The following NALF1 variants were observed in gnomAD, a reference collection of about 807,000 sequenced individuals.
NALF1 encodes NALCN channel auxiliary factor 1.
Under a neutral mutation model 48.4 loss-of-function variants are expected in NALF1, and 3 were observed. The observed-to-expected ratio is 0.06, with a 90% CI of 0.03 to 0.16. The LOEUF (loss-of-function observed/expected upper bound fraction) is 0.16. Ranked by LOEUF, NALF1 falls within the 10% of genes least tolerant of loss-of-function variation. NALF1 has a pLI of 1.00. For synonymous variants in NALF1, 262 were observed against 245.7 expected, an observed-to-expected ratio of 1.07 and a Z score of -0.62; for missense variants, 526 against 571.5, an observed-to-expected ratio of 0.92 and a Z score of 0.81.
At chr13:107,289,423 T>C (rs561388453) in intron 1 of NALF1, among the ~76,000 whole-genome samples, 1 of 152,370 alleles carries the variant, frequency 6.6e-6, no homozygotes, top group South Asian at 2.1e-4. Flanking sequence ...TTGAAAGAGT[T>C]AATAAATGAC....
intron 1 of NALF1, among the ~76,000 whole-genome samples, chr13:107,248,832 C>G (rs564635980): frequency 6.6e-6 from 1 of 151,014 alleles, no homozygotes; most frequent in African/African-American, 2.4e-5. Context: ...TCTCATAATA[C>G]AGAGTTCAGA....
chr13:107,313,306 C>T (rs934244114), intron 1 of NALF1, among the ~76,000 whole-genome samples: 7 of 151,728 alleles, frequency 4.6e-5, no homozygotes, highest in African/African-American at 1.7e-4. Flanking sequence ...CTAATCATAA[C>T]GTGATAGGAA....
At chr13:107,727,319 T>G (rs1370930865) in intron 1 of NALF1, among the ~76,000 whole-genome samples, 1 of 152,212 alleles carries the variant, frequency 6.6e-6, no homozygotes, top group African/African-American at 2.4e-5. Flanking sequence ...TATATCTATG[T>G]GACATTCTTT....
At chr13:107,502,863 G>A (rs1804314849) in intron 1 of NALF1, among the ~76,000 whole-genome samples, 1 of 152,146 alleles carries the variant, frequency 6.6e-6, no homozygotes, top group Non-Finnish European at 1.5e-5. Flanking sequence ...ACAAATGGAA[G>A]TGCAGATTGT....
At chr13:107,294,995 C>A (rs1161073394) in intron 1 of NALF1, among the ~76,000 whole-genome samples, 2 of 133,584 alleles carry the variant, frequency 1.5e-5, no homozygotes, top group African/African-American at 5.5e-5. Flanking sequence ...CTTTTTTTTT[C>A]TTTTGACTTT....
rs61241553 is a variant in NALF1, at chr13:107,469,733, C to CTTTTTTTTTTT, written c.916-258989_916-258979dup. 1.3e-3 allele frequency among the ~76,000 whole-genome samples: 107 copies of CTTTTTTTTTTT among 79,968 alleles called. 19 individuals carry two copies. The highest frequency in any genetic ancestry group is 1.7e-3 in the Non-Finnish European group (76 of 44,810). 52.5% of individuals were successfully genotyped at this position (79,968 alleles called of 152,430 possible). On this transcript the variant is annotated intron_variant, in intron 1 of 2. Coordinates refer to ENST00000375915, the MANE Select transcript of NALF1 (RefSeq NM_001080396.3). ...TAAATGCGATGAGTCAACTGTGTAT[C>CTTTTTTTTTTT]TTTTTTTTTTTTTTTTTTTTTTTTT...
chr13:107,423,778 A>G lies in NALF1; in HGVS notation c.916-213023T>C, dbSNP rs139609095. 9.7e-3 allele frequency among the ~76,000 whole-genome samples: 1,484 copies of G among 152,304 alleles called. 15 individuals are homozygous for G. The highest frequency in any genetic ancestry group is 0.02 in the Middle Eastern group (6 of 294). On this transcript the variant is annotated intron_variant, in intron 1 of 2. Coordinates refer to ENST00000375915, the MANE Select transcript of NALF1 (RefSeq NM_001080396.3). ...AAATCAATCTTGGAGACCAAAAAGC[A>G]TTTTGAGCTTTGGAATTGCCCTGGA...
intron 1 of NALF1, among the ~76,000 whole-genome samples, chr13:107,342,545 G>A (rs1006821612): frequency 2.0e-5 from 3 of 152,090 alleles, no homozygotes; most frequent in African/African-American, 4.8e-5. Context: ...TGAGTACAAC[G>A]ATGAACAGCC....
chr13:107,567,819 GTTC>G lies in NALF1; in HGVS notation c.915+297860_915+297862del, dbSNP rs1228334696. ...TCTAACACCTGCCAATCCCTAATCTGTTCTTCATCTCTGTGATTATGTTAGTTC... is the reference window on the plus strand; with the variant it reads ...TCTAACACCTGCCAATCCCTAATCTGTTCATCTCTGTGATTATGTTAGTTC... On this transcript the variant is annotated intron_variant, in intron 1 of 2. Transcript: ENST00000375915. 7.9e-5 allele frequency among the ~76,000 whole-genome samples: 12 copies of G among 152,096 alleles called. No individual in the cohort carries two copies. In the East Asian group the frequency reaches 1.9e-3, roughly 25 times the overall value.
chr13:107,491,747 A>T (rs1000617892), intron 1 of NALF1, among the ~76,000 whole-genome samples: 3 of 152,198 alleles, frequency 2.0e-5, no homozygotes, highest in Non-Finnish European at 4.4e-5. Flanking sequence ...CGCTCTTTGC[A>T]ACATTCCATA....
rs182131487 is a variant in NALF1 at position 107,609,845 on chromosome 13, T to C, written c.915+255837A>G. On this transcript the variant is annotated intron_variant, in intron 1 of 2. Coordinates refer to ENST00000375915, the MANE Select transcript of NALF1 (RefSeq NM_001080396.3). Reference sequence around the variant, plus strand: ...ACAGACAAATAATAATTACCAAAGATGCATCTATATTTACATGAATTAACA... The same window carrying C: ...ACAGACAAATAATAATTACCAAAGACGCATCTATATTTACATGAATTAACA... Among the ~76,000 whole-genome samples, 43 of 152,298 alleles carry C rather than the reference T, an allele frequency of 2.8e-4. No homozygotes were observed. In the East Asian group the frequency reaches 7.7e-3, roughly 27 times the overall value.
At chr13:107,846,600 G>T (rs187217808) in intron 1 of NALF1, among the ~76,000 whole-genome samples, 80 of 152,222 alleles carry the variant, frequency 5.3e-4, no homozygotes, top group Admixed American at 1.6e-3. Context: ...CTTTAATGAG[G>T]ATCAAGGACT....
chr13:107,759,939 T>C (rs1877219868), intron 1 of NALF1, among the ~76,000 whole-genome samples: 1 of 152,138 alleles, frequency 6.6e-6, no homozygotes, highest in Non-Finnish European at 1.5e-5. Context: ...GAGCAGGTTA[T>C]GATAACTTTT....
At chr13:107,659,305 T>C (rs1880668093) in intron 1 of NALF1, among the ~76,000 whole-genome samples, 1 of 152,190 alleles carries the variant, frequency 6.6e-6, no homozygotes, top group African/African-American at 2.4e-5. Context: ...ATGTAATCTA[T>C]TGCATTTATC....
At chr13:107,467,346 A>ATTTCATTACTAAGAGACTAAGGTT (rs1885021657) in intron 1 of NALF1, among the ~76,000 whole-genome samples, 1 of 152,214 alleles carries the variant, frequency 6.6e-6, no homozygotes, top group Admixed American at 6.5e-5. Context: ...GACTAAGGTT[A>ATTTCATTACTAAGAGACTAAGGTT]AAAACATTTC....
intron 1 of NALF1, among the ~76,000 whole-genome samples, chr13:107,268,105 G>A (rs1031508679): frequency 2.0e-5 from 3 of 146,658 alleles, no homozygotes; most frequent in Non-Finnish European, 4.4e-5. Flanking sequence ...TCCTGCCTCC[G>A]CCTCCCAAGT....
intron 1 of NALF1, among the ~76,000 whole-genome samples, chr13:107,475,270 G>A (rs79745301): frequency 0.032 from 4,831 of 152,252 alleles, 148 homozygotes; most frequent in African/African-American, 0.071. Context: ...TGTTCATACA[G>A]CCAGGTACTG....
chr13:107,355,250 TCA>T lies in NALF1; in HGVS notation c.916-144497_916-144496del, dbSNP rs796347657. On this transcript the variant is annotated intron_variant, in intron 1 of 2. Coordinates refer to ENST00000375915, the MANE Select transcript of NALF1 (RefSeq NM_001080396.3). ...TGTCATCTTAGGGAACAAAATGTAATCACACACAGTAATAGAGTTTTTGAAGC... is the reference window on the plus strand; with the variant it reads ...TGTCATCTTAGGGAACAAAATGTAATCACACAGTAATAGAGTTTTTGAAGC... Among the ~76,000 whole-genome samples, 73 of 152,058 alleles carry T rather than the reference TCA, an allele frequency of 4.8e-4. 1 individual carries two copies. Among genetic ancestry groups the T allele is most frequent in the African/African-American group, 1.6e-3 (66 of 41,448 alleles).
intron 1 of NALF1, among the ~76,000 whole-genome samples, chr13:107,354,774 G>A (rs1002287735): frequency 6.6e-6 from 1 of 152,098 alleles, no homozygotes; most frequent in Non-Finnish European, 1.5e-5. Flanking sequence ...CCTCAGTAAA[G>A]TCCCTTATAT....
Sources: allele counts gnomAD v4.1 joint callset (sites outside exome capture counted in the v4.1 genomes callset), GRCh38; gene constraint gnomAD v4.1.1; transcripts MANE v1.5; gene names NCBI Gene and HGNC (gene_info 2026-07-23, HGNC 2026-07-21).